Variants in SENP2 observed in about 807,000 individuals in gnomAD.
SENP2 encodes SUMO specific peptidase 2, also known as sentrin-specific protease 2.
A neutral mutation model predicts 86.3 loss-of-function variants in SENP2; 16 were observed. The ratio of observed to expected loss-of-function variants is 0.19; its 90% CI spans 0.13 to 0.28. The LOEUF (loss-of-function observed/expected upper bound fraction) is 0.28, where lower values mean the gene tolerates loss of function less well. SENP2 is among the 10% of genes least tolerant of loss of function. The pLI, the probability that SENP2 is intolerant of heterozygous loss-of-function variation, is 1.00. For missense variants in SENP2, 552 were observed against 703.0 expected, an observed-to-expected ratio of 0.79 and a Z score of 2.43; for synonymous variants, 222 against 238.7, an observed-to-expected ratio of 0.93 and a Z score of 0.64.
chr3:185,595,482 C>G (rs2148982219), intron 2 of SENP2, among the ~76,000 whole-genome samples: 1 of 152,316 alleles, frequency 6.6e-6, no homozygotes, highest in South Asian at 2.1e-4. Context: ...TTGTGCTTTA[C>G]CTGGCCATTA....
chr3:185,595,266 GTCC>G (rs990708661), intron 2 of SENP2, among the ~76,000 whole-genome samples: 2 of 152,136 alleles, frequency 1.3e-5, no homozygotes, highest in Admixed American at 1.3e-4. Context: ...GAGGCTTCTT[GTCC>G]TCTAGAGTCT....
At chr3:185,592,587 A>C (rs183822401) in intron 2 of SENP2, among the ~76,000 whole-genome samples, 92 of 151,814 alleles carry the variant, frequency 6.1e-4, no homozygotes, top group African/African-American at 2.1e-3. Flanking sequence ...TAGGTTTTAC[A>C]GAAAATACAA....
chr3:185,613,314 A>G (rs369984729), intron 9 of SENP2, 31 bp from the exon 10 acceptor site: 5 of 1,252,458 alleles, frequency 4.0e-6, no homozygotes, highest in Non-Finnish European at 5.8e-6. Flanking sequence ...CATCTAGCAG[A>G]AGTCTATCAT....
At chr3:185,593,976 C>G (rs1249940781) in intron 2 of SENP2, among the ~76,000 whole-genome samples, 2 of 152,048 alleles carry the variant, frequency 1.3e-5, no homozygotes, top group African/African-American at 2.4e-5. Flanking sequence ...TGATCGCCCG[C>G]CTCGGCTTCC....
rs566255285 is a variant in SENP2, at chr3:185,596,011, A to C, written c.158-2401A>C. Among the ~76,000 whole-genome samples, 4 of 152,026 alleles carry C rather than the reference A, an allele frequency of 2.6e-5. No homozygotes were observed. In the South Asian group the frequency reaches 8.3e-4, roughly 32 times the overall value. On this transcript the variant is annotated intron_variant, in intron 2 of 16. Transcript: ENST00000296257. ...GATGGAGTCTCACGCTGTTGCCCAG[A>C]CTGGAGTACAGTGGTGCCATCTTGG... is the stretch of plus-strand genomic sequence containing the variant.
chr3:185,607,319 CTTTTTTTT>C (rs758884593), intron 6 of SENP2, among the ~76,000 whole-genome samples: 4 of 66,034 alleles, frequency 6.1e-5, no homozygotes, highest in Admixed American at 1.7e-4. Context: ...AGATTAGATT[CTTTTTTTT>C]TTTTTTTTTT....
chr3:185,617,038 GTAGGA>G, intron 11 of SENP2, among the ~76,000 whole-genome samples: 1 of 152,160 alleles, frequency 6.6e-6, no homozygotes, highest in Non-Finnish European at 1.5e-5. Context: ...ATACGTAGTA[GTAGGA>G]AAATTGAGAC....
chr3:185,599,640 G>T (rs960212667), intron 4 of SENP2, among the ~76,000 whole-genome samples: 1 of 152,108 alleles, frequency 6.6e-6, no homozygotes, highest in Admixed American at 6.6e-5. Context: ...GAAGTTGTAG[G>T]TTTAAAATTC....
At chr3:185,591,136 A>G (rs1157412161) in intron 2 of SENP2, among the ~76,000 whole-genome samples, 3 of 150,836 alleles carry the variant, frequency 2.0e-5, no homozygotes, top group Non-Finnish European at 4.4e-5. Flanking sequence ...CCATCTCCTG[A>G]CCTCGTGATC....
intron 7 of SENP2, 99 bp from the exon 8 acceptor site, chr3:185,611,552 A>G (rs1437465173): frequency 1.8e-5 from 12 of 674,388 alleles, no homozygotes; most frequent in Non-Finnish European, 2.8e-5. Flanking sequence ...AGTGTAATCA[A>G]TCACCCCTAT....
intron 5 of SENP2, among the ~76,000 whole-genome samples, chr3:185,605,497 T>G (rs1722484951): frequency 6.6e-6 from 1 of 152,230 alleles, no homozygotes. Flanking sequence ...TAGCTTTTTC[T>G]TTTTCCTAAT....
At chr3:185,618,854 G>A (rs1468981465) in intron 12 of SENP2, among the ~76,000 whole-genome samples, 1 of 152,160 alleles carries the variant, frequency 6.6e-6, no homozygotes. Context: ...ACTCCAGCCT[G>A]GGCGACAGGG....
rs972930188 is a variant in SENP2 at position 185,632,171 on chromosome 3, ATTGATT to A, written c.*2330_*2335del. On this transcript the variant is annotated 3_prime_UTR_variant, in exon 17 of 17. Coordinates refer to ENST00000296257, the MANE Select transcript of SENP2 (RefSeq NM_021627.3). Reference sequence around the variant, plus strand: ...TTAAGTGTTCAGTTGAAAAACAGCTATTGATTTTATTAGTAGCAAATTATCACCATT... The same window carrying A: ...TTAAGTGTTCAGTTGAAAAACAGCTATTATTAGTAGCAAATTATCACCATT... 4.5e-5 allele frequency: 6 copies of A among 132,826 alleles called. No individual in the cohort carries two copies. Among genetic ancestry groups the A allele is most frequent in the Admixed American group, 1.5e-4 (2 of 13,094 alleles). The allele number at this position is 132,826 out of a possible 1,614,324, so 8.2% of individuals were successfully genotyped here. A position where few individuals can be genotyped will look rare whatever the true frequency, so the allele number is the denominator to read the frequency against.
intron 8 of SENP2, chr3:185,612,272 C>T (rs183344710): frequency 2.8e-4 from 57 of 204,908 alleles, no homozygotes; most frequent in African/African-American, 1.2e-3. Flanking sequence ...TCCTAAGCTG[C>T]TAGATAGTAG....
intron 2 of SENP2, among the ~76,000 whole-genome samples, chr3:185,592,033 TTGAGACAGGATC>T (rs1722024292): frequency 8.8e-6 from 1 of 114,274 alleles, no homozygotes; most frequent in Non-Finnish European, 1.8e-5. Flanking sequence ...TTTTTTTTTT[TTGAGACAGGATC>T]TTGCTCTGTC....
chr3:185,586,357 C>T lies in SENP2; in HGVS notation c.-57C>T. 2 of 1,597,332 alleles carry T rather than the reference C, an allele frequency of 1.3e-6. No individual in the cohort carries two copies. Among genetic ancestry groups the T allele is most frequent in the South Asian group, 1.1e-5 (1 of 89,788 alleles). ...ACGGCGAAGGCGGCAGCGGCGGCGA[C>T]AGCTCTGGGGTTTGCGTCTCGGGGT... On this transcript the variant is annotated 5_prime_UTR_variant, in exon 1 of 17. Coordinates refer to ENST00000296257, the MANE Select transcript of SENP2 (RefSeq NM_021627.3). This position sits in a 1 kb window ranked among gnomAD's most constrained non-coding sequence, Gnocchi z 4.3.
rs368591303 is a variant in SENP2 at position 185,625,256 on chromosome 3, C to T, written c.1612-1042C>T. Among the ~76,000 whole-genome samples the T allele has an allele frequency of 9.2e-5, 14 of 152,076 alleles. No homozygotes were observed. The East Asian group carries it at 2.5e-3, about 28-fold the overall frequency. On this transcript the variant is annotated intron_variant, in intron 15 of 16. Coordinates refer to ENST00000296257, the MANE Select transcript of SENP2 (RefSeq NM_021627.3). ...CCTCCCGAGTAGCTGGGACCACAGGCGCCTGCCACCACGCCTGGCTAATTT... is the reference window on the plus strand; with the variant it reads ...CCTCCCGAGTAGCTGGGACCACAGGTGCCTGCCACCACGCCTGGCTAATTT...
chr3:185,600,987 A>C, intron 5 of SENP2, 132 bp downstream of exon 5: 22 of 600,810 alleles, frequency 3.7e-5, no homozygotes, highest in East Asian at 5.8e-5. Context: ...GCTGAATGTC[A>C]TGCAGCCAGT....
At chr3:185,591,314 T>G (rs574811305) in intron 2 of SENP2, among the ~76,000 whole-genome samples, 2 of 152,198 alleles carry the variant, frequency 1.3e-5, no homozygotes, top group African/African-American at 4.8e-5. Flanking sequence ...GACTGTGCAT[T>G]TTAAAATTCT....
Sources: allele counts gnomAD v4.1 joint callset (sites outside exome capture counted in the v4.1 genomes callset), GRCh38; gene constraint gnomAD v4.1.1; non-coding constraint Gnocchi (gnomAD v3.1); transcripts MANE v1.5; gene names NCBI Gene and HGNC (gene_info 2026-07-23, HGNC 2026-07-21).